NALF1: variants seen among roughly 807,000 people sequenced by gnomAD.
The protein encoded by NALF1 is family with sequence similarity 155 member A.
NALF1 carries 3 observed loss-of-function variants against 48.4 expected under a neutral mutation model. The ratio of observed to expected loss-of-function variants is 0.06; its 90% CI spans 0.03 to 0.16. The LOEUF is 0.16. Ranked by LOEUF, NALF1 falls within the 10% of genes least tolerant of loss-of-function variation. The probability of loss-of-function intolerance (pLI) is 1.00; values close to 1 mark genes in which losing one functional copy is unlikely to be tolerated. For synonymous variants in NALF1, 262 were observed against 245.7 expected (o/e 1.07, Z -0.62); for missense variants, 526 against 571.5 (o/e 0.92, Z 0.81).
chr13:107,178,402 T>C (rs1272170251), intron 2 of NALF1, among the ~76,000 whole-genome samples: 1 of 152,158 alleles, frequency 6.6e-6, no homozygotes, highest in East Asian at 1.9e-4. Flanking sequence ...AAGATCTGAA[T>C]AGACATTTCT....
At chr13:107,730,602 T>C (rs981317271) in intron 1 of NALF1, among the ~76,000 whole-genome samples, 2 of 152,208 alleles carry the variant, frequency 1.3e-5, no homozygotes, top group African/African-American at 4.8e-5. Context: ...CAGTATTTCA[T>C]TGTATTCAGC....
At chr13:107,489,802 C>T (rs918169038) in intron 1 of NALF1, among the ~76,000 whole-genome samples, 1 of 152,142 alleles carries the variant, frequency 6.6e-6, no homozygotes, top group African/African-American at 2.4e-5. Context: ...AGTAAACAGA[C>T]AACCCATGGA....
Position 107,362,228 on chromosome 13 carries a change from T to C in NALF1, c.916-151473A>G, listed in dbSNP as rs1594137322. 6.6e-6 allele frequency among the ~76,000 whole-genome samples: 1 copy of C among 152,176 alleles called. No homozygotes were observed. The highest frequency in any genetic ancestry group is 2.4e-5 in the African/African-American group (1 of 41,436). On this transcript the variant is annotated intron_variant, in intron 1 of 2. Coordinates refer to ENST00000375915, the MANE Select transcript of NALF1 (RefSeq NM_001080396.3). The surrounding 1 kb of genome is among the most constrained non-coding windows in gnomAD (Gnocchi z 4.6). ...GGAAAAACGGGGTCAGGTGACAGCT[T>C]TATGATATTCATGTAAACAGGAAGG... is the stretch of plus-strand genomic sequence containing the variant.
chr13:107,295,405 G>T (rs1370467120), intron 1 of NALF1, among the ~76,000 whole-genome samples: 1 of 152,148 alleles, frequency 6.6e-6, no homozygotes, highest in Non-Finnish European at 1.5e-5. Context: ...GGACGCCCAG[G>T]TTGATTCCAT....
At chr13:107,721,605 C>T (rs1428920255) in intron 1 of NALF1, among the ~76,000 whole-genome samples, 1 of 152,174 alleles carries the variant, frequency 6.6e-6, no homozygotes, top group African/African-American at 2.4e-5. Context: ...GCTCATCAAT[C>T]CCCTTTGACG....
At chr13:107,584,813 C>G (rs967307864) in intron 1 of NALF1, among the ~76,000 whole-genome samples, 1 of 152,172 alleles carries the variant, frequency 6.6e-6, no homozygotes, top group South Asian at 2.1e-4. Context: ...TATCTGCTCA[C>G]ACTTTCCTCC....
intron 1 of NALF1, among the ~76,000 whole-genome samples, chr13:107,282,582 C>T (rs534808259): frequency 8.5e-5 from 13 of 152,232 alleles, no homozygotes; most frequent in African/African-American, 2.4e-4. Context: ...TGACAGAGTG[C>T]GACTTCTCAG....
chr13:107,643,431 T>C (rs1490856075), intron 1 of NALF1, among the ~76,000 whole-genome samples: 1 of 151,936 alleles, frequency 6.6e-6, no homozygotes, highest in African/African-American at 2.4e-5. Context: ...TTATTTATAA[T>C]TATGGTTTCA....
At chr13:107,802,350 T>C (rs1326930710) in intron 1 of NALF1, among the ~76,000 whole-genome samples, 1 of 152,208 alleles carries the variant, frequency 6.6e-6, no homozygotes, top group Non-Finnish European at 1.5e-5. Context: ...GGGATAGTTT[T>C]ATTTTTCCAT....
At chr13:107,487,149 C>A (rs899884475) in intron 1 of NALF1, among the ~76,000 whole-genome samples, 1 of 152,146 alleles carries the variant, frequency 6.6e-6, no homozygotes. Context: ...TACTCCCACA[C>A]ACATCATGAC....
At chr13:107,225,850 C>T (rs1478022978) in intron 1 of NALF1, among the ~76,000 whole-genome samples, 1 of 152,074 alleles carries the variant, frequency 6.6e-6, no homozygotes, top group Non-Finnish European at 1.5e-5. Context: ...CGCATGCGCA[C>T]AGACGCACTT....
chr13:107,676,997 G>T (rs1881147171), intron 1 of NALF1, among the ~76,000 whole-genome samples: 1 of 152,072 alleles, frequency 6.6e-6, no homozygotes, highest in South Asian at 2.1e-4. Flanking sequence ...CCACTTTGGG[G>T]TCAGAATCAT....
rs933890814 is a variant in NALF1, at chr13:107,163,649, C to G, written c.*6848G>C. ...CACATTCTTAGTCTCTCATAATTAA[C>G]TGGTTTTAGTACTTTTATTCCGTGT... On this transcript the variant is annotated 3_prime_UTR_variant, in exon 3 of 3. Transcript: ENST00000375915. The G allele has an allele frequency of 1.3e-5, 2 of 152,156 alleles. No individual in the cohort carries two copies. The highest frequency in any genetic ancestry group is 2.9e-5 in the Non-Finnish European group (2 of 68,040). The allele number at this position is 152,156 out of a possible 1,614,324, so 9.4% of individuals were successfully genotyped here.
intron 1 of NALF1, among the ~76,000 whole-genome samples, chr13:107,690,633 G>A (rs1881544640): frequency 6.6e-6 from 1 of 152,122 alleles, no homozygotes; most frequent in Admixed American, 6.6e-5. Context: ...AGTGTTAATG[G>A]AAATAAAAAT....
intron 2 of NALF1, among the ~76,000 whole-genome samples, chr13:107,177,320 T>C (rs1015405282): frequency 5.9e-5 from 9 of 152,184 alleles, no homozygotes; most frequent in African/African-American, 1.9e-4. Flanking sequence ...ATGCAATCCC[T>C]ATAAAAAAAT....
intron 1 of NALF1, among the ~76,000 whole-genome samples, chr13:107,628,815 A>G (rs993729632): frequency 2.6e-5 from 4 of 152,206 alleles, no homozygotes; most frequent in African/African-American, 9.6e-5. Flanking sequence ...CATGGCATCT[A>G]GACATCAGAG....
At chr13:107,632,072 A>C (rs1345798622) in intron 1 of NALF1, among the ~76,000 whole-genome samples, 2 of 152,208 alleles carry the variant, frequency 1.3e-5, no homozygotes, top group Non-Finnish European at 2.9e-5. Context: ...GTATTATCAA[A>C]GATGTTTGGT....
intron 1 of NALF1, among the ~76,000 whole-genome samples, chr13:107,291,111 C>T (rs992653815): frequency 6.6e-6 from 1 of 150,830 alleles, no homozygotes; most frequent in Admixed American, 6.7e-5. Flanking sequence ...CCATATTTTG[C>T]AGTTTGATTA....
intron 1 of NALF1, among the ~76,000 whole-genome samples, chr13:107,785,899 G>T (rs973314043): frequency 1.3e-5 from 2 of 152,152 alleles, no homozygotes; most frequent in African/African-American, 4.8e-5. Context: ...GACAATGTGA[G>T]GAGGTTTTAT....
Sources: allele counts gnomAD v4.1 joint callset (sites outside exome capture counted in the v4.1 genomes callset), GRCh38; gene constraint gnomAD v4.1.1; non-coding constraint Gnocchi (gnomAD v3.1); transcripts MANE v1.5; gene names NCBI Gene and HGNC (gene_info 2026-07-23, HGNC 2026-07-21).